Variants in CCDC93 observed in about 807,000 individuals in gnomAD.
The protein encoded by CCDC93 is coiled-coil domain-containing protein 93.
A neutral mutation model predicts 108.2 loss-of-function variants in CCDC93; 61 were observed. The ratio of observed to expected loss-of-function variants is 0.56; its 90% CI spans 0.46 to 0.70. CCDC93 has a LOEUF of 0.70. Ranked by LOEUF, CCDC93 falls within the 30% of genes least tolerant of loss-of-function variation. The probability of loss-of-function intolerance (pLI) is 0.00; values close to 1 mark genes in which losing one functional copy is unlikely to be tolerated. For synonymous variants in CCDC93, 276 were observed against 260.4 expected, an observed-to-expected ratio of 1.06 and a Z score of -0.58; for missense variants, 685 against 764.2, an observed-to-expected ratio of 0.90 and a Z score of 1.22.
At chr2:117,929,151 C>T (rs1016495005) in intron 23 of CCDC93, among the ~76,000 whole-genome samples, 1 of 152,060 alleles carries the variant, frequency 6.6e-6, no homozygotes, top group Non-Finnish European at 1.5e-5. Context: ...AGAAGATATA[C>T]CTAATGTTAA....
intron 6 of CCDC93, 91 bp from the exon 7 acceptor site, chr2:117,986,160 C>CTTT (rs763304100): frequency 0.035 from 9,607 of 273,222 alleles, 20 homozygotes; most frequent in East Asian, 0.061. Context: ...GGTATATTCT[C>CTTT]TTTTTTTTTT....
intron 11 of CCDC93, among the ~76,000 whole-genome samples, chr2:117,969,720 C>A (rs79874371): frequency 0.077 from 11,448 of 148,934 alleles, 522 homozygotes; most frequent in East Asian, 0.16. Context: ...CGAACATGGA[C>A]GAAAACATAA....
At chr2:117,927,705 A>C (rs1343202907) in intron 23 of CCDC93, among the ~76,000 whole-genome samples, 1 of 152,202 alleles carries the variant, frequency 6.6e-6, no homozygotes, top group African/African-American at 2.4e-5. Flanking sequence ...TATAGATTCA[A>C]TGCCATCCCC....
At position 118,006,789 on chromosome 2, in the gene CCDC93, T is replaced by C. The variant is rs775124006; in HGVS notation, c.184A>G (p.Thr62Ala). The change falls in exon 3 of 24, where the codon ACC (threonine) becomes GCC (alanine). Residue 62 changes from threonine (T) to alanine (A), a missense_variant. Physicochemically the swap from Thr to Ala is moderately conservative, Grantham distance 58. Coordinates refer to ENST00000376300, the MANE Select transcript of CCDC93 (RefSeq NM_019044.5). ...KVVGGMTWCI[T>A]TCNFDVDVDL... ...ACATCTACATCAAAGTTGCAAGTGG[T>C]GATACACCAAGTCATTCCTCCTACT... 6 of 1,610,870 alleles carry C rather than the reference T, an allele frequency of 3.7e-6. No homozygotes were observed. The highest frequency in any genetic ancestry group is 3.3e-5 in the South Asian group (3 of 91,020).
intron 11 of CCDC93, among the ~76,000 whole-genome samples, chr2:117,967,789 G>A (rs1679636077): frequency 6.6e-6 from 1 of 152,156 alleles, no homozygotes; most frequent in Non-Finnish European, 1.5e-5. Flanking sequence ...CCCTTAGCGA[G>A]ACTCTCAGAT....
At chr2:117,960,542 C>T (rs191943258) in intron 11 of CCDC93, among the ~76,000 whole-genome samples, 1 of 152,208 alleles carries the variant, frequency 6.6e-6, no homozygotes, top group Non-Finnish European at 1.5e-5. Context: ...CATTCCCCCA[C>T]CCAGCTTCCA....
intron 7 of CCDC93, among the ~76,000 whole-genome samples, chr2:117,983,096 T>A (rs1437683221): frequency 1.3e-5 from 2 of 152,200 alleles, no homozygotes; most frequent in East Asian, 3.8e-4. Flanking sequence ...ATCCACTCCC[T>A]GAAATCTCAT....
rs1680306565 is a variant in CCDC93, at chr2:117,986,016, T to C, written c.573A>G (p.Leu191=). ...KYKRHQGAEE[L]LDEESRIHAT... ...CATGGATTCGAGATTCTTCATCAAG[T>C]AGCTCCTCTGCTCCCTGGTGGCGTT... The change falls in exon 7 of 24, where the codon CTA becomes CTG. Residue 191 remains leucine (L), a synonymous_variant. Transcript: ENST00000376300. 1 of 1,613,718 alleles carries C rather than the reference T, an allele frequency of 6.2e-7. No individual in the cohort carries two copies. The highest frequency in any genetic ancestry group is 1.3e-5 in the African/African-American group (1 of 74,910).
chr2:117,974,940 G>A, intron 9 of CCDC93, 40 bp from the exon 10 acceptor site: 1 of 1,518,166 alleles, frequency 6.6e-7, no homozygotes, highest in Middle Eastern at 1.7e-4. Flanking sequence ...GAGTGGTTCT[G>A]AACATGTAAG....
At chr2:117,937,900 G>C (rs1678573005) in intron 20 of CCDC93, among the ~76,000 whole-genome samples, 1 of 152,116 alleles carries the variant, frequency 6.6e-6, no homozygotes. Flanking sequence ...GCACCCTCTA[G>C]GATGACAGAG....
In CCDC93 at chr2:117,995,495, T is replaced by C. The variant is rs1181360503; in HGVS notation, c.470A>G (p.Asp157Gly). The C allele has an allele frequency of 5.0e-6, 8 of 1,613,062 alleles. No individual in the cohort carries two copies. The highest frequency in any genetic ancestry group is 6.8e-6 in the Non-Finnish European group (8 of 1,179,080). Residue 157 changes from aspartate (D) to glycine (G), a missense_variant, in exon 6 of 24, where the codon GAC becomes GGC. By Grantham distance (94) the Asp-to-Gly change is moderately conservative. Transcript: ENST00000376300. ...GGCCTTTTCTTTTCTCTTTATGAAG[T>C]CATCATCCTACAAGACAAAACAGAG... ...QKTYSLPEDD[D>G]FIKRKEKAIK...
chr2:117,927,503 C>T (rs556877847), intron 23 of CCDC93, among the ~76,000 whole-genome samples: 11 of 152,154 alleles, frequency 7.2e-5, no homozygotes, highest in Admixed American at 6.5e-5. Context: ...GAGTGAACTC[C>T]CACTCACAAC....
chr2:117,933,550 G>A (rs1309256865), intron 22 of CCDC93, among the ~76,000 whole-genome samples: 1 of 151,968 alleles, frequency 6.6e-6, no homozygotes, highest in South Asian at 2.1e-4. Context: ...ACCCTCAGAC[G>A]GGGCATAAAC....
chr2:117,970,314 C>G (rs1679720571), intron 11 of CCDC93, among the ~76,000 whole-genome samples: 1 of 152,108 alleles, frequency 6.6e-6, no homozygotes, highest in African/African-American at 2.4e-5. Flanking sequence ...AAAACTAGGA[C>G]AGGTCCCCAC....
chr2:117,939,560 A>G (rs1420125444), intron 19 of CCDC93, among the ~76,000 whole-genome samples: 1 of 152,234 alleles, frequency 6.6e-6, no homozygotes, highest in East Asian at 1.9e-4. Flanking sequence ...TATTATTGCT[A>G]AAAGCTTTGA....
chr2:117,956,068 G>C (rs1234286192), intron 12 of CCDC93, among the ~76,000 whole-genome samples: 2 of 152,130 alleles, frequency 1.3e-5, no homozygotes, highest in African/African-American at 4.8e-5. Flanking sequence ...CACACACACA[G>C]AAACATGGAA....
intron 3 of CCDC93, among the ~76,000 whole-genome samples, chr2:118,002,428 C>T (rs1676730205): frequency 6.6e-6 from 1 of 152,072 alleles, no homozygotes; most frequent in African/African-American, 2.4e-5. Flanking sequence ...AAAACAGCCC[C>T]CCAGGGAATG....
chr2:117,976,523 C>A (rs1679948830), intron 8 of CCDC93, among the ~76,000 whole-genome samples: 1 of 152,036 alleles, frequency 6.6e-6, no homozygotes, highest in African/African-American at 2.4e-5. Context: ...TGACTAAGTA[C>A]CAATAACTAA....
chr2:117,964,763 T>C (rs1679501623), intron 11 of CCDC93, among the ~76,000 whole-genome samples: 1 of 152,122 alleles, frequency 6.6e-6, no homozygotes, highest in African/African-American at 2.4e-5. Context: ...TATACCCAAG[T>C]AATTTTAAAA....
Sources: allele counts gnomAD v4.1 joint callset (sites outside exome capture counted in the v4.1 genomes callset), GRCh38; gene constraint gnomAD v4.1.1; transcripts MANE v1.5; gene names NCBI Gene and HGNC (gene_info 2026-07-23, HGNC 2026-07-21).